The following USP36 variants were observed in gnomAD, a reference collection of about 807,000 sequenced individuals.
USP36 encodes ubiquitin specific peptidase 36.
USP36 carries 59 observed loss-of-function variants against 111.5 expected under a neutral mutation model. The observed-to-expected ratio is 0.53, with a 90% CI of 0.43 to 0.66. The LOEUF (loss-of-function observed/expected upper bound fraction) is 0.66. Ranked by LOEUF, USP36 falls within the 30% of genes least tolerant of loss-of-function variation. The pLI, the probability that USP36 is intolerant of heterozygous loss-of-function variation, is 0.00. For synonymous variants in USP36, 628 were observed against 581.0 expected, an observed-to-expected ratio of 1.08 and a Z score of -1.16; for missense variants, 1,488 against 1,468.0, an observed-to-expected ratio of 1.01 and a Z score of -0.22.
rs1239270822 is a variant in USP36 at position 78,805,378 on chromosome 17, G to A, written c.2216+778C>T. ...ATAGGGCAGAGGTGTGCTTGTGTGT[G>A]TATATGTGAGAGGAGAGTAAGGCAG... On this transcript the variant is annotated intron_variant, in intron 15 of 20. Transcript: ENST00000449938. 3.3e-5 allele frequency among the ~76,000 whole-genome samples: 5 copies of A among 152,188 alleles called. No homozygotes were observed. The East Asian group carries it at 7.7e-4, about 23-fold the overall frequency.
rs1159765397 is a variant in USP36 at position 78,827,298 on chromosome 17, G to C, written c.636C>G (p.Phe212Leu). The C allele has an allele frequency of 6.2e-7, 1 of 1,613,974 alleles. No homozygotes were observed. Among genetic ancestry groups the C allele is most frequent in the Admixed American group, 1.7e-5 (1 of 60,022 alleles). Reference protein sequence around the residue: ...RFGNQEDAHEFLRYTIDAMQK... With the variant: ...RFGNQEDAHELLRYTIDAMQK... ...GCATGGCGTCGATGGTGTACCGCAG[G>C]AACTCATGCGCGTCCTCCTGGTTCC... The change falls in exon 6 of 21, where the codon TTC becomes TTG. Residue 212 changes from phenylalanine (F) to leucine (L), a missense_variant. Phe to Leu is a conservative substitution (Grantham distance 22, BLOSUM62 0). Coordinates refer to ENST00000449938, the MANE Select transcript of USP36 (RefSeq NM_001385174.1).
At chr17:78,806,854 G>A (rs549671797) in intron 14 of USP36, 105 bp downstream of exon 14, 1 of 1,448,824 alleles carries the variant, frequency 6.9e-7, no homozygotes, top group African/African-American at 1.4e-5. Flanking sequence ...TAACATGAGG[G>A]AGGCCAAAGC....
chr17:78,795,375 G>T (rs558145653), downstream of USP36, among the ~76,000 whole-genome samples: 13 of 152,348 alleles, frequency 8.5e-5, no homozygotes, highest in South Asian at 2.7e-3. The surrounding 1 kb of genome is among the most constrained non-coding windows in gnomAD (Gnocchi z 4.5). Flanking sequence ...AAAGGGAGAT[G>T]CGGGGAGCCA....
intron 3 of USP36, among the ~76,000 whole-genome samples, chr17:78,790,623 G>T (rs2093575680): frequency 6.6e-6 from 1 of 152,060 alleles, no homozygotes; most frequent in South Asian, 2.1e-4. Flanking sequence ...TTGGGCTCAA[G>T]CAATCCTCTC....
intron 15 of USP36, among the ~76,000 whole-genome samples, chr17:78,805,579 A>C (rs1247790501): frequency 6.6e-6 from 1 of 151,626 alleles, no homozygotes; most frequent in Non-Finnish European, 1.5e-5. Context: ...TTTACCAGTT[A>C]CTCTCAACTT....
At chr17:78,815,941 CACAT>C (rs1317953649) in intron 10 of USP36, among the ~76,000 whole-genome samples, 3 of 151,982 alleles carry the variant, frequency 2.0e-5, no homozygotes, top group Admixed American at 2.0e-4. Flanking sequence ...CACATATACA[CACAT>C]GCATGCACAC....
In USP36 at chr17:78,835,289, C is replaced by A; in HGVS notation, c.466G>T (p.Ala156Ser). ...LANYLLSKEHARSCHQGSFCM... is the reference protein window; with the variant it reads ...LANYLLSKEHSRSCHQGSFCM... ...GCAAACCCACACTCACAGCTGCGAG[C>A]ATGCTCCTTGGAGAGCAGGTAGTTG... The change falls in exon 4 of 21, where the codon GCT becomes TCT. Residue 156 changes from alanine (A) to serine (S), a missense_variant. Physicochemically the swap from Ala to Ser is moderately conservative, Grantham distance 99. Transcript: ENST00000449938. 1 of 1,614,142 alleles carries A rather than the reference C, an allele frequency of 6.2e-7. No individual in the cohort carries two copies. The highest frequency in any genetic ancestry group is 8.5e-7 in the Non-Finnish European group (1 of 1,180,030).
chr17:78,835,558 C>G (rs900375931), intron 3 of USP36, 57 bp from the exon 4 acceptor site: 5 of 1,524,014 alleles, frequency 3.3e-6, no homozygotes, highest in Non-Finnish European at 4.4e-6. Flanking sequence ...ACACACAGGT[C>G]GTCCACAAAA....
rs371461948 is a variant in USP36, at chr17:78,825,110, T to C, written c.689+2135A>G. On this transcript the variant is annotated intron_variant, in intron 6 of 20. Coordinates refer to ENST00000449938, the MANE Select transcript of USP36 (RefSeq NM_001385174.1). Reference sequence around the variant, plus strand: ...GATGAAGGGGACAAGAGCACATGGATATAGAAAATGAAAACTGCATCATCA... The same window carrying C: ...GATGAAGGGGACAAGAGCACATGGACATAGAAAATGAAAACTGCATCATCA... Among the ~76,000 whole-genome samples the C allele has an allele frequency of 6.6e-5, 10 of 152,052 alleles. 1 individual carries two copies. The highest frequency in any genetic ancestry group is 1.9e-4 in the African/African-American group (8 of 41,434).
chr17:78,812,718 A>T, intron 13 of USP36, 142 bp downstream of exon 13: 1 of 739,188 alleles, frequency 1.4e-6, no homozygotes, highest in Non-Finnish European at 1.9e-6. Context: ...AAAAAAAAAA[A>T]GAAAAGAAAA....
chr17:78,821,418 ATATTTTT>A (rs1306975987), intron 7 of USP36: 15 of 50,086 alleles, frequency 3.0e-4, no homozygotes, highest in African/African-American at 1.5e-3. Context: ...ATATATATAT[ATATTTTT>A]TTTTTTTTTT....
At chr17:78,807,928 T>C (rs1324420395) in intron 13 of USP36, among the ~76,000 whole-genome samples, 7 of 152,166 alleles carry the variant, frequency 4.6e-5, no homozygotes, top group Admixed American at 3.9e-4. Flanking sequence ...GGTCTCAAAC[T>C]TCTGGCCTCG....
downstream of USP36, chr17:78,795,594 G>A (rs1326896796): frequency 6.6e-6 from 1 of 152,094 alleles, no homozygotes; most frequent in Non-Finnish European, 1.5e-5. The surrounding 1 kb of genome is among the most constrained non-coding windows in gnomAD (Gnocchi z 4.5). Context: ...CAGCGAGACT[G>A]TGGTTGGGAT....
intron 14 of USP36, 133 bp from the exon 15 acceptor site, chr17:78,806,419 A>C (rs993804950): frequency 2.4e-6 from 3 of 1,228,998 alleles, no homozygotes; most frequent in Middle Eastern, 2.6e-4. Flanking sequence ...AGACAGAAGA[A>C]GACAAAAAGG....
chr17:78,829,432 C>T (rs73391008), intron 4 of USP36, among the ~76,000 whole-genome samples: 8,629 of 152,264 alleles, frequency 0.057, 778 homozygotes, highest in African/African-American at 0.19. Flanking sequence ...TTAGGGCTGA[C>T]AGCCCCTTAG....
At chr17:78,811,443 A>G (rs1182325402) in intron 13 of USP36, among the ~76,000 whole-genome samples, 3 of 152,230 alleles carry the variant, frequency 2.0e-5, no homozygotes, top group Non-Finnish European at 4.4e-5. Context: ...AATTGCAGAC[A>G]TGATGTTCTT....
intron 4 of USP36, among the ~76,000 whole-genome samples, chr17:78,832,438 C>T (rs7224190): frequency 0.056 from 8,586 of 152,258 alleles, 764 homozygotes; most frequent in African/African-American, 0.19. Context: ...TAGTAAGATG[C>T]ACTAATATTT....
intron 17 of USP36, 30 bp from the exon 18 acceptor site, chr17:78,799,798 C>T (rs1005611771): frequency 1.3e-6 from 2 of 1,550,296 alleles, no homozygotes; most frequent in Admixed American, 2.0e-5. Context: ...GAAACATTTA[C>T]AGACGTTTAA....
rs763717745 is a variant in USP36 at position 78,802,446 on chromosome 17, C to T, written c.2900G>A (p.Arg967Gln). ...GAGATGCCCATCCTCTTCTACTGCC[C>T]GCTGTGTCTCCTGCTTTCTTTTTTT... is the stretch of plus-strand genomic sequence containing the variant. ...KKKKRKQETQ[R>Q]AVEEDGHLKC... The change falls in exon 17 of 21, where the codon CGG becomes CAG. Residue 967 changes from arginine to glutamine, a missense_variant. By Grantham distance (43) the Arg-to-Gln change is conservative. This residue lies in a region of USP36 where 1,073 missense variants were observed against 994.1 expected (regional missense o/e 1.08). Transcript: ENST00000449938. 1.5e-5 allele frequency: 24 copies of T among 1,609,924 alleles called. No individual in the cohort carries two copies. The highest frequency in any genetic ancestry group is 4.0e-5 in the African/African-American group (3 of 74,824).
Sources: gnomAD v4.1 joint callset for allele counts (sites outside exome capture counted in the v4.1 genomes callset) on GRCh38, gnomAD v4.1.1 for gene constraint, gnomAD v4.1.1 regional missense constraint, Gnocchi (gnomAD v3.1) non-coding constraint, MANE v1.5 for transcripts, NCBI Gene and HGNC (gene_info 2026-07-23, HGNC 2026-07-21) for gene names.